The following LRRTM4 variants were observed in gnomAD, a reference collection of about 807,000 sequenced individuals.
The protein encoded by LRRTM4 is leucine-rich repeat transmembrane neuronal protein 4.
In LRRTM4, 25 loss-of-function variants were observed where a neutral mutation model predicts 47.6. That is an observed-to-expected ratio of 0.53 (90% CI 0.38 to 0.73). The LOEUF is 0.73. Among genes scored for constraint, LRRTM4 ranks in the 30% least tolerant of loss-of-function variants. The pLI, the probability that LRRTM4 is intolerant of heterozygous loss-of-function variation, is 0.00. For missense variants in LRRTM4, 638 were observed against 713.4 expected (o/e 0.89, Z 1.20); for synonymous variants, 311 against 269.5 (o/e 1.15, Z -1.51).
In LRRTM4 at chr2:77,507,310, A is replaced by C. The variant is rs528070115; in HGVS notation, c.1551+11008T>G. 1.1e-3 allele frequency among the ~76,000 whole-genome samples: 170 copies of C among 152,248 alleles called. 1 individual carries two copies. The highest frequency in any genetic ancestry group is 3.8e-3 in the African/African-American group (160 of 41,564). ...TTAATTATGTAATCTGTTTCAATAA[A>C]TTTTTAGTAAAAAACTCAGTGAGAA... On this transcript the variant is annotated intron_variant, in intron 3 of 3. Coordinates refer to ENST00000409884, the MANE Select transcript of LRRTM4 (RefSeq NM_001134745.3).
intron 3 of LRRTM4, chr2:77,518,036 C>A (rs1679287097): frequency 8.7e-7 from 1 of 1,143,842 alleles, no homozygotes; most frequent in Non-Finnish European, 1.1e-6. Context: ...TTAAGTCCAA[C>A]CCCTGTATAC....
Position 77,080,387 on chromosome 2 carries a change from C to T in LRRTM4, c.1552-331471G>A, listed in dbSNP as rs6547120. ...CACTCTCACTGTACACATCCCATAT[C>T]CGACTGAAGTCTCTTTTATAAGTTA... On this transcript the variant is annotated intron_variant, in intron 3 of 3. Transcript: ENST00000409884. Among the ~76,000 whole-genome samples, 496 of 152,278 alleles carry T rather than the reference C, an allele frequency of 3.3e-3. 5 individuals are homozygous for T. Among genetic ancestry groups the T allele is most frequent in the African/African-American group, 0.012 (478 of 41,554 alleles).
rs539327149 is a variant in LRRTM4, at chr2:77,071,214, C to T, written c.1552-322298G>A. Among the ~76,000 whole-genome samples, 60 of 152,206 alleles carry T rather than the reference C, an allele frequency of 3.9e-4. No homozygotes were observed. In the South Asian group the frequency reaches 0.012, roughly 30 times the overall value. ...AAATGATACATAAAATCCCACTGTCCAATTTAGATTCTATACAATAATTAC... is the reference window on the plus strand; with the variant it reads ...AAATGATACATAAAATCCCACTGTCTAATTTAGATTCTATACAATAATTAC... On this transcript the variant is annotated intron_variant, in intron 3 of 3. Coordinates refer to ENST00000409884, the MANE Select transcript of LRRTM4 (RefSeq NM_001134745.3).
intron 3 of LRRTM4, among the ~76,000 whole-genome samples, chr2:76,893,509 C>T (rs1391685549): frequency 6.6e-6 from 1 of 151,712 alleles, no homozygotes; most frequent in African/African-American, 2.4e-5. Flanking sequence ...ACAGATAATT[C>T]TAGCTAAAAT....
chr2:76,782,190 T>C (rs1012650959), intron 3 of LRRTM4, among the ~76,000 whole-genome samples: 1 of 152,222 alleles, frequency 6.6e-6, no homozygotes, highest in Non-Finnish European at 1.5e-5. Flanking sequence ...ACATGTAAGA[T>C]TTACGGGCCT....
At chr2:77,037,090 A>T (rs113835805) in intron 3 of LRRTM4, among the ~76,000 whole-genome samples, 2,377 of 151,738 alleles carry the variant, frequency 0.016, 68 homozygotes, top group African/African-American at 0.055. Flanking sequence ...CTCTCACCCA[A>T]ATTATGCTGT....
At chr2:76,767,775 A>T (rs1021455102) in intron 3 of LRRTM4, among the ~76,000 whole-genome samples, 2 of 151,746 alleles carry the variant, frequency 1.3e-5, no homozygotes, top group Non-Finnish European at 2.9e-5. Flanking sequence ...TTATTTTTAC[A>T]TGCCTCTTCA....
intron 3 of LRRTM4, among the ~76,000 whole-genome samples, chr2:77,207,024 G>C (rs771972024): frequency 2.6e-5 from 4 of 151,346 alleles, no homozygotes; most frequent in Non-Finnish European, 5.9e-5. Context: ...GTTATTCATG[G>C]ATAATTTCAT....
chr2:77,468,691 T>A (rs1428408339), intron 3 of LRRTM4, among the ~76,000 whole-genome samples: 2 of 152,066 alleles, frequency 1.3e-5, no homozygotes, highest in African/African-American at 4.8e-5. Flanking sequence ...AACATTCTGA[T>A]TGATTGGAGG....
At chr2:77,051,826 A>G (rs2103774161) in intron 3 of LRRTM4, among the ~76,000 whole-genome samples, 1 of 152,268 alleles carries the variant, frequency 6.6e-6, no homozygotes. Flanking sequence ...ACCTTGTCAA[A>G]TAGGAAACTG....
In LRRTM4 at chr2:77,102,581, C is replaced by G. The variant is rs557238799; in HGVS notation, c.1552-353665G>C. Among the ~76,000 whole-genome samples, 28 of 152,208 alleles carry G rather than the reference C, an allele frequency of 1.8e-4. 1 individual carries two copies. The South Asian group carries it at 5.6e-3, about 30-fold the overall frequency. ...GTTTTATAAAACTTTTTCAATTGAT[C>G]AAAGATATATAATACCATCATAGGG... On this transcript the variant is annotated intron_variant, in intron 3 of 3. Coordinates refer to ENST00000409884, the MANE Select transcript of LRRTM4 (RefSeq NM_001134745.3).
At chr2:77,002,824 C>T (rs1677482160) in intron 3 of LRRTM4, among the ~76,000 whole-genome samples, 1 of 152,126 alleles carries the variant, frequency 6.6e-6, no homozygotes, top group Non-Finnish European at 1.5e-5. Flanking sequence ...CTAAGCTCTA[C>T]CTCTCCCATC....
intron 3 of LRRTM4, among the ~76,000 whole-genome samples, chr2:76,798,416 C>T (rs1278091607): frequency 6.6e-6 from 1 of 151,244 alleles, no homozygotes; most frequent in African/African-American, 2.4e-5. Flanking sequence ...AACAAAGACA[C>T]AACATACCAG....
intron 3 of LRRTM4, among the ~76,000 whole-genome samples, chr2:77,062,311 CAT>C (rs1679812615): frequency 6.6e-6 from 1 of 152,124 alleles, no homozygotes; most frequent in Non-Finnish European, 1.5e-5. Flanking sequence ...AATCAAAAAG[CAT>C]ATGTCAGGGA....
intron 3 of LRRTM4, among the ~76,000 whole-genome samples, chr2:77,277,709 A>G (rs1248085826): frequency 6.6e-6 from 1 of 151,984 alleles, no homozygotes; most frequent in East Asian, 1.9e-4. Flanking sequence ...TTAAATGACA[A>G]ATGAATTCTG....
chr2:76,980,702 C>G (rs536064788), intron 3 of LRRTM4, among the ~76,000 whole-genome samples: 21 of 152,026 alleles, frequency 1.4e-4, no homozygotes, highest in Non-Finnish European at 2.8e-4. Flanking sequence ...AGTAATGGCT[C>G]CTGAAGTGAG....
At chr2:76,792,659 T>C (rs1173635657) in intron 3 of LRRTM4, among the ~76,000 whole-genome samples, 1 of 152,108 alleles carries the variant, frequency 6.6e-6, no homozygotes, top group Admixed American at 6.6e-5. Context: ...ATCAATTCTC[T>C]GTTGAATACT....
At chr2:76,869,258 G>A (rs767524092) in intron 3 of LRRTM4, among the ~76,000 whole-genome samples, 1 of 150,684 alleles carries the variant, frequency 6.6e-6, no homozygotes, top group East Asian at 2.0e-4. Context: ...GCAGTGAGCC[G>A]AGATCACACC....
At chr2:77,214,829 G>A (rs1674392020) in intron 3 of LRRTM4, among the ~76,000 whole-genome samples, 3 of 152,026 alleles carry the variant, frequency 2.0e-5, no homozygotes, top group East Asian at 1.9e-4. Context: ...TTAAACAGAT[G>A]TTCTGGTGTT....
Sources: gnomAD v4.1 joint callset for allele counts (sites outside exome capture counted in the v4.1 genomes callset) on GRCh38, gnomAD v4.1.1 for gene constraint, MANE v1.5 for transcripts, NCBI Gene and HGNC (gene_info 2026-07-23, HGNC 2026-07-21) for gene names.